PRDM1: variants seen among roughly 807,000 people sequenced by gnomAD.
The protein encoded by PRDM1 is PR/SET domain 1, also known as PR domain zinc finger protein 1.
In PRDM1, 13 loss-of-function variants were observed where a neutral mutation model predicts 62.8. The observed-to-expected ratio is 0.21, with a 90% CI of 0.13 to 0.33. PRDM1 has a LOEUF of 0.33. Among genes scored for constraint, PRDM1 ranks in the 10% least tolerant of loss-of-function variants. The pLI is 1.00. For synonymous variants in PRDM1, 396 were observed against 417.6 expected (o/e 0.95, Z 0.63); for missense variants, 895 against 1,058.8 (o/e 0.85, Z 2.15).
At chr6:106,055,182 C>T (rs997640557) in intron 1 of PRDM1, among the ~76,000 whole-genome samples, 44 of 152,130 alleles carry the variant, frequency 2.9e-4, no homozygotes, top group African/African-American at 1.0e-3. Flanking sequence ...ACCTTCCTAG[C>T]ATTTTGGCTG....
intron 1 of PRDM1, among the ~76,000 whole-genome samples, chr6:106,001,120 G>A (rs934711972): frequency 6.6e-6 from 1 of 152,156 alleles, no homozygotes; most frequent in Non-Finnish European, 1.5e-5. Flanking sequence ...TTTAAATTAT[G>A]TTTTCCTGAC....
intron 1 of PRDM1, among the ~76,000 whole-genome samples, chr6:106,023,485 A>T (rs7749524): frequency 0.91 from 137,925 of 151,852 alleles, 62,766 homozygotes; most frequent in African/African-American, 0.95. Flanking sequence ...AAAAAAAAAA[A>T]AAATAAATAA....
chr6:106,053,521 A>T (rs1041932967), intron 1 of PRDM1, among the ~76,000 whole-genome samples: 3 of 152,142 alleles, frequency 2.0e-5, no homozygotes, highest in African/African-American at 7.2e-5. Context: ...ATGTATTCTA[A>T]TAGAATACAT....
rs2114668323 is a variant in PRDM1 at position 106,108,414 on chromosome 6, C to T, written c.*928C>T. 8.6e-6 allele frequency: 2 copies of T among 232,964 alleles called. No individual in the cohort carries two copies. Among genetic ancestry groups the T allele is most frequent in the South Asian group, 1.8e-4 (1 of 5,482 alleles). 14.4% of individuals were successfully genotyped at this position (232,964 alleles called of 1,614,324 possible). ...AGAAAATGTGAAGAAGAAAAAAATGCCATGTTTTAAAACCACTGCGAAAAT... is the reference window on the plus strand; with the variant it reads ...AGAAAATGTGAAGAAGAAAAAAATGTCATGTTTTAAAACCACTGCGAAAAT... On this transcript the variant is annotated 3_prime_UTR_variant, in exon 7 of 7. Transcript: ENST00000369096.
Position 105,994,902 on chromosome 6 carries a change from C to T in PRDM1, c.-67+1263C>T, listed in dbSNP as rs1430651096. Among the ~76,000 whole-genome samples the T allele has an allele frequency of 6.6e-6, 1 of 152,222 alleles. No individual in the cohort carries two copies. The highest frequency in any genetic ancestry group is 2.4e-5 in the African/African-American group (1 of 41,458). On this transcript the variant is annotated intron_variant, in intron 1 of 6. Coordinates refer to the PRDM1 transcript ENST00000652320. The surrounding 1 kb of genome is among the most constrained non-coding windows in gnomAD (Gnocchi z 4.1). ...CCGGGTCCGGGGACGGCGCGCTTGT[C>T]GCGGGAGCCTCCCGGCTTGCGGAGG...
At chr6:106,092,314 A>G (rs918668618) in intron 2 of PRDM1, among the ~76,000 whole-genome samples, 2 of 152,182 alleles carry the variant, frequency 1.3e-5, no homozygotes, top group African/African-American at 4.8e-5. Context: ...CTGAGGCCAC[A>G]GACAGAAACA....
rs199925746 is a variant in PRDM1 at position 106,052,761 on chromosome 6, A to C, written c.-67+4047A>C. 3.9e-5 allele frequency among the ~76,000 whole-genome samples: 6 copies of C among 152,254 alleles called. No homozygotes were observed. The East Asian group carries it at 1.2e-3, about 29-fold the overall frequency. ...GCCAAGGTAGATGGATCACGAAGTC[A>C]GGAGATCGAGACCATCCTGGCCAAC... On this transcript the variant is annotated intron_variant, in intron 1 of 6. Coordinates refer to the PRDM1 transcript ENST00000651185.
At chr6:106,093,474 T>C (rs897462949) in intron 2 of PRDM1, among the ~76,000 whole-genome samples, 3 of 152,234 alleles carry the variant, frequency 2.0e-5, no homozygotes. Flanking sequence ...TATCAACTGC[T>C]AATTATTGGC....
intron 1 of PRDM1, among the ~76,000 whole-genome samples, chr6:106,016,321 T>C (rs1029627718): frequency 7.9e-5 from 12 of 152,202 alleles, no homozygotes; most frequent in African/African-American, 2.7e-4. Context: ...TTTATACTTA[T>C]GATGTATAAT....
rs759900853 is a variant in PRDM1 at position 106,104,777 on chromosome 6, C to A, written c.665-48C>A. 21 of 1,539,900 alleles carry A rather than the reference C, an allele frequency of 1.4e-5. No individual in the cohort carries two copies. In the South Asian group the frequency reaches 2.7e-4, roughly 19 times the overall value. ...AGGAGCAACTTTGGCAGTTTTGCTTCAGTTCTCTCTAGCCCTCTGTGTAAT... is the reference window on the plus strand; with the variant it reads ...AGGAGCAACTTTGGCAGTTTTGCTTAAGTTCTCTCTAGCCCTCTGTGTAAT... On this transcript the variant is annotated intron_variant, in intron 4 of 6. Coordinates refer to ENST00000369096, the MANE Select transcript of PRDM1 (RefSeq NM_001198.4).
At chr6:106,033,806 T>G (rs1772883360) in intron 1 of PRDM1, among the ~76,000 whole-genome samples, 1 of 152,108 alleles carries the variant, frequency 6.6e-6, no homozygotes. Context: ...TTTTAAAGCT[T>G]GAGAAGAATT....
intron 4 of PRDM1, among the ~76,000 whole-genome samples, chr6:106,101,031 G>A (rs919957550): frequency 1.3e-5 from 2 of 152,062 alleles, no homozygotes; most frequent in Non-Finnish European, 2.9e-5. Flanking sequence ...GCCATGCCCA[G>A]TGCTGAGGAC....
At chr6:106,030,703 A>G (rs1456870336) in intron 1 of PRDM1, among the ~76,000 whole-genome samples, 1 of 152,126 alleles carries the variant, frequency 6.6e-6, no homozygotes, top group East Asian at 1.9e-4. Flanking sequence ...GAGATAATCT[A>G]TATGTATGGT....
intron 1 of PRDM1, among the ~76,000 whole-genome samples, chr6:106,011,237 A>G (rs1168400202): frequency 1.3e-5 from 2 of 152,176 alleles, no homozygotes; most frequent in African/African-American, 2.4e-5. Context: ...CCTTTATAAC[A>G]ATCCCAGAGC....
intron 1 of PRDM1, among the ~76,000 whole-genome samples, chr6:106,039,137 A>G (rs978506886): frequency 2.6e-5 from 4 of 152,186 alleles, no homozygotes; most frequent in African/African-American, 9.6e-5. Flanking sequence ...ACTCTTTATA[A>G]TTAGACCATA....
chr6:105,996,650 G>A (rs968404502), intron 1 of PRDM1, among the ~76,000 whole-genome samples: 12 of 152,194 alleles, frequency 7.9e-5, no homozygotes, highest in African/African-American at 2.7e-4. Flanking sequence ...TGCAGCCTCT[G>A]TGCAAATAAC....
Position 106,105,428 on chromosome 6 carries a change from A to G in PRDM1, c.1268A>G (p.Asn423Ser). 1 of 1,614,094 alleles carries G rather than the reference A, an allele frequency of 6.2e-7. No individual in the cohort carries two copies. Among genetic ancestry groups the G allele is most frequent in the Middle Eastern group, 1.6e-4 (1 of 6,062 alleles). ...TTGCCCCCCTACGGCATGAATTGTAATGGCCTGAGCGCTGTGAGCAGCATG... is the reference window on the plus strand; with the variant it reads ...TTGCCCCCCTACGGCATGAATTGTAGTGGCCTGAGCGCTGTGAGCAGCATG... Reference protein sequence around the residue: ...FLLPPYGMNCNGLSAVSSMNG... With the variant: ...FLLPPYGMNCSGLSAVSSMNG... The change falls in exon 5 of 7, where the codon AAT becomes AGT. Residue 423 changes from asparagine (N) to serine (S), a missense_variant. Around this residue, in one of 4 missense-constraint regions of PRDM1, gnomAD observed 444 missense variants for 422.7 expected, o/e 1.05. Coordinates refer to ENST00000369096, the MANE Select transcript of PRDM1 (RefSeq NM_001198.4).
At chr6:106,021,929 T>A (rs1406903351) in intron 1 of PRDM1, among the ~76,000 whole-genome samples, 2 of 152,214 alleles carry the variant, frequency 1.3e-5, no homozygotes, top group Non-Finnish European at 2.9e-5. Flanking sequence ...GTGAAATGTT[T>A]ATTTCTTCAA....
intron 1 of PRDM1, among the ~76,000 whole-genome samples, chr6:106,036,710 A>G (rs1322843956): frequency 4.6e-5 from 7 of 152,138 alleles, no homozygotes; most frequent in Admixed American, 4.6e-4. Flanking sequence ...CTGTAATCCC[A>G]GCACTTTGGG....
Sources: gnomAD v4.1 joint callset for allele counts (sites outside exome capture counted in the v4.1 genomes callset) on GRCh38, gnomAD v4.1.1 for gene constraint, gnomAD v4.1.1 regional missense constraint, Gnocchi (gnomAD v3.1) non-coding constraint, MANE v1.5 for transcripts, NCBI Gene and HGNC (gene_info 2026-07-23, HGNC 2026-07-21) for gene names.